The following MIER1 variants were observed in gnomAD, a reference collection of about 807,000 sequenced individuals.
The protein encoded by MIER1 is MIER1 transcriptional regulator, also known as mesoderm induction early response protein 1.
MIER1 carries 40 observed loss-of-function variants against 75.7 expected under a neutral mutation model. The ratio of observed to expected loss-of-function variants is 0.53; its 90% confidence interval spans 0.41 to 0.69. The LOEUF (loss-of-function observed/expected upper bound fraction) is 0.69. Ranked by LOEUF, MIER1 falls within the 30% of genes least tolerant of loss-of-function variation. The probability of loss-of-function intolerance (pLI) is 0.00; values close to 1 mark genes in which losing one functional copy is unlikely to be tolerated. For synonymous variants in MIER1, 213 were observed against 223.4 expected, an observed-to-expected ratio of 0.95 and a Z score of 0.42; for missense variants, 574 against 680.2, an observed-to-expected ratio of 0.84 and a Z score of 1.74.
rs1202970079 is a variant in MIER1, at chr1:66,984,774, A to G, written c.1572A>G (p.Lys524=). 3.1e-6 allele frequency: 5 copies of G among 1,614,054 alleles called. No homozygotes were observed. In the South Asian group the frequency reaches 5.5e-5, roughly 18 times the overall value. ...TARNENDFDE[K]SERPAKRRRV... is the part of the protein sequence containing the mutation. ...GAAATGAAAATGATTTTGATGAAAA[A>G]AGTGAGAGACCTGCCAAAAGGCGAA... Residue 524 remains lysine (K), a synonymous_variant, in exon 14 of 14, where the codon AAA becomes AAG. Coordinates refer to ENST00000401041, the MANE Select transcript of MIER1 (RefSeq NM_001077700.3).
At chr1:66,952,419 G>A (rs540876210) in intron 4 of MIER1, among the ~76,000 whole-genome samples, 134 of 152,144 alleles carry the variant, frequency 8.8e-4, no homozygotes, top group Non-Finnish European at 1.6e-3. Context: ...GAATATTTGC[G>A]TTACACGATA....
intron 2 of MIER1, among the ~76,000 whole-genome samples, chr1:66,936,430 G>A (rs1654858540): frequency 1.3e-5 from 2 of 151,468 alleles, no homozygotes; most frequent in Admixed American, 6.6e-5. Context: ...ACAGCGTTTT[G>A]CCATGTTGGC....
At position 66,929,932 on chromosome 1, in the gene MIER1, C is replaced by T. The variant is rs573023846; in HGVS notation, c.168+3690C>T. Among the ~76,000 whole-genome samples, 111 of 152,336 alleles carry T rather than the reference C, an allele frequency of 7.3e-4. 1 individual carries two copies. The highest frequency in any genetic ancestry group is 1.4e-3 in the Non-Finnish European group (95 of 68,028). On this transcript the variant is annotated intron_variant, in intron 2 of 13. Coordinates refer to ENST00000401041, the MANE Select transcript of MIER1 (RefSeq NM_001077700.3). ...AAAACGACCTACATGTAAAATATTACGTATTTTTCCTCTGCTGTGTCAATG... is the reference window on the plus strand; with the variant it reads ...AAAACGACCTACATGTAAAATATTATGTATTTTTCCTCTGCTGTGTCAATG...
chr1:66,951,331 G>C (rs185817640), intron 4 of MIER1, among the ~76,000 whole-genome samples: 1 of 152,156 alleles, frequency 6.6e-6, no homozygotes, highest in African/African-American at 2.4e-5. Context: ...GTCTTGCTCT[G>C]TTGCCCAGGC....
chr1:66,953,640 G>C (rs1242451086), intron 4 of MIER1, among the ~76,000 whole-genome samples: 3 of 142,452 alleles, frequency 2.1e-5, no homozygotes, highest in African/African-American at 5.3e-5. Flanking sequence ...GTCTCACTCT[G>C]TTGCCCAGGC....
intron 2 of MIER1, among the ~76,000 whole-genome samples, chr1:66,927,909 T>G (rs748848717): frequency 1.4e-4 from 22 of 152,218 alleles, no homozygotes; most frequent in Admixed American, 3.9e-4. Context: ...TTTTTATATA[T>G]TTAATACTGA....
rs535709891 is a variant in MIER1 at position 66,942,832 on chromosome 1, G to A, written c.193+2780G>A. On this transcript the variant is annotated intron_variant, in intron 3 of 13. Transcript: ENST00000401041. The stretch of plus-strand genomic sequence containing the variant: ...TACACTTTGTTGTTTGATGTAATAA[G>A]GGAGTGAAATGGCAAGTCTTCATAT... Among the ~76,000 whole-genome samples, 5 of 152,232 alleles carry A rather than the reference G, an allele frequency of 3.3e-5. No individual in the cohort carries two copies. In the South Asian group the frequency reaches 1.0e-3, roughly 32 times the overall value.
chr1:66,949,611 C>A (rs1011651353), intron 4 of MIER1, among the ~76,000 whole-genome samples: 1 of 152,158 alleles, frequency 6.6e-6, no homozygotes, highest in African/African-American at 2.4e-5. Context: ...CATCTGTAAC[C>A]TGAAGCTAAG....
rs575168237 is a variant in MIER1 at position 66,938,488 on chromosome 1, G to A, written c.169-1540G>A. Among the ~76,000 whole-genome samples the A allele has an allele frequency of 3.9e-5, 6 of 152,270 alleles. No homozygotes were observed. The South Asian group carries it at 8.3e-4, about 21-fold the overall frequency. On this transcript the variant is annotated intron_variant, in intron 2 of 13. Coordinates refer to ENST00000401041, the MANE Select transcript of MIER1 (RefSeq NM_001077700.3). Reference sequence around the variant, plus strand: ...GCCTACAGTTGGGAAGTATAACTGCGTGAAACACAAGTGGATTAATATTTT... The same window carrying A: ...GCCTACAGTTGGGAAGTATAACTGCATGAAACACAAGTGGATTAATATTTT...
At chr1:66,958,019 T>C in intron 4 of MIER1, 40 bp from the exon 5 acceptor site, 2 of 1,310,478 alleles carry the variant, frequency 1.5e-6, no homozygotes, top group South Asian at 3.1e-5. Flanking sequence ...ATCAGAAATA[T>C]CACTGATTCA....
intron 13 of MIER1, among the ~76,000 whole-genome samples, chr1:66,984,321 T>C (rs1037904643): frequency 7.2e-5 from 11 of 152,216 alleles, no homozygotes; most frequent in African/African-American, 2.4e-4. Flanking sequence ...TATTAACTTA[T>C]TTAATTTTCA....
chr1:66,946,122 C>T, intron 3 of MIER1, 28 bp from the exon 4 acceptor site: 2 of 1,576,836 alleles, frequency 1.3e-6, no homozygotes, highest in Non-Finnish European at 1.7e-6. Flanking sequence ...ATTTGGTTTA[C>T]CAAACTTTTT....
Position 66,970,808 on chromosome 1 carries a change from T to A in MIER1, c.773T>A (p.Val258Glu). 6.5e-7 allele frequency: 1 copy of A among 1,545,076 alleles called. No individual in the cohort carries two copies. Among genetic ancestry groups the A allele is most frequent in the Non-Finnish European group, 8.7e-7 (1 of 1,153,240 alleles). Residue 258 changes from valine (V) to glutamate (E), a missense_variant and splice_region_variant, in exon 9 of 14, where the codon GTA (valine) becomes GAA (glutamate). Physicochemically the swap from Val to Glu is moderately radical, Grantham distance 121. Coordinates refer to ENST00000401041, the MANE Select transcript of MIER1 (RefSeq NM_001077700.3). ...TTAACATTGTCTTTTACTAATTTAG[T>A]ATATGAAAATGATGATCAGCTCCTG... is the stretch of plus-strand genomic sequence containing the variant. Reference protein sequence around the residue: ...GICRYKENEKVYENDDQLLWD... With the variant: ...GICRYKENEKEYENDDQLLWD...
At chr1:66,930,476 C>A in intron 2 of MIER1, 2 of 1,509,662 alleles carry the variant, frequency 1.3e-6, no homozygotes, top group Non-Finnish European at 1.8e-6. Flanking sequence ...GTGGAGTGGG[C>A]CTGGCCAGGA....
intron 8 of MIER1, among the ~76,000 whole-genome samples, chr1:66,970,125 C>G (rs1663305023): frequency 6.6e-6 from 1 of 152,098 alleles, no homozygotes; most frequent in South Asian, 2.1e-4. Flanking sequence ...TTAGGTCATC[C>G]TCCTTTCATT....
chr1:66,958,755 C>G, intron 5 of MIER1, 96 bp from the exon 6 acceptor site: 1 of 979,664 alleles, frequency 1.0e-6, no homozygotes. Flanking sequence ...TCATTTTAGT[C>G]TTCTGCATAT....
chr1:66,963,283 G>A, intron 8 of MIER1, 123 bp downstream of exon 8: 1 of 592,630 alleles, frequency 1.7e-6, no homozygotes, highest in Non-Finnish European at 3.0e-6. Flanking sequence ...AACCCCATTG[G>A]TTTGTGAAAG....
intron 8 of MIER1, among the ~76,000 whole-genome samples, chr1:66,968,494 TAATG>T (rs1165833350): frequency 6.6e-6 from 1 of 152,142 alleles, no homozygotes; most frequent in Non-Finnish European, 1.5e-5. Flanking sequence ...AGGGATTACT[TAATG>T]GATGGATCAG....
At position 66,959,692 on chromosome 1, in the gene MIER1, A is replaced by C; in HGVS notation, c.648A>C (p.Glu216Asp). The change falls in exon 7 of 14, where the codon GAA (glutamate) becomes GAC (aspartate). Residue 216 changes from glutamate to aspartate, a missense_variant. Coordinates refer to ENST00000401041, the MANE Select transcript of MIER1 (RefSeq NM_001077700.3). The part of the protein sequence containing the change: ...CKYFDTNSEV[E>D]EESEEDEDYI... ...TATTTATTCTAGATAGTGAAGTAGA[A>C]GAAGAATCTGAAGAAGATGAAGATT... The C allele has an allele frequency of 7.0e-7, 1 of 1,426,014 alleles. No homozygotes were observed. Among genetic ancestry groups the C allele is most frequent in the Non-Finnish European group, 9.4e-7 (1 of 1,058,230 alleles). The allele number at this position is 1,426,014 out of a possible 1,614,324, so 88.3% of individuals were successfully genotyped here.
Sources: gnomAD v4.1 joint callset for allele counts (sites outside exome capture counted in the v4.1 genomes callset) on GRCh38, gnomAD v4.1.1 for gene constraint, MANE v1.5 for transcripts, NCBI Gene and HGNC (gene_info 2026-07-23, HGNC 2026-07-21) for gene names.